The following TEKTL1 variants were observed in gnomAD, a reference collection of about 807,000 sequenced individuals.
The protein encoded by TEKTL1 is tektin-like protein 1.
chr19:15,014,738 C>CGG, the TEKTL1 span, among the ~76,000 whole-genome samples: 7 of 29,804 alleles, frequency 2.3e-4, no homozygotes, highest in Admixed American at 2.7e-3. Flanking sequence ...GGGCGGGGGG[C>CGG]GGGGGCTGCT....
the TEKTL1 span, chr19:15,022,018 A>G: frequency 1.1e-6 from 1 of 938,182 alleles, no homozygotes; most frequent in Non-Finnish European, 1.6e-6. Flanking sequence ...CCTCTCACCC[A>G]AGTCGGCCTG....
the TEKTL1 span, among the ~76,000 whole-genome samples, chr19:15,012,083 C>T: frequency 6.6e-6 from 1 of 151,336 alleles, no homozygotes; most frequent in Admixed American, 6.6e-5. Flanking sequence ...TAGTGAGACC[C>T]CGTCTCTACA....
the TEKTL1 span, among the ~76,000 whole-genome samples, chr19:15,018,822 C>T: frequency 6.7e-6 from 1 of 150,034 alleles, no homozygotes; most frequent in South Asian, 2.1e-4. Flanking sequence ...CTTATTTCCA[C>T]GTTCCCATAC....
At chr19:15,021,470 G>A in the TEKTL1 span, 6 of 1,614,124 alleles carry the variant, frequency 3.7e-6, no homozygotes, top group African/African-American at 2.7e-5. Flanking sequence ...ATAAGCGACC[G>A]TGTGTGTGCC....
At chr19:15,021,661 C>T in the TEKTL1 span, 9 of 1,614,098 alleles carry the variant, frequency 5.6e-6, no homozygotes, top group East Asian at 4.5e-5. Flanking sequence ...AACTATCCTC[C>T]GGTGTACGAA....
the TEKTL1 span, among the ~76,000 whole-genome samples, chr19:15,016,938 G>A: frequency 2.6e-4 from 39 of 152,288 alleles, no homozygotes; most frequent in African/African-American, 8.2e-4. Flanking sequence ...TGGGTGCAGC[G>A]GCTCACATCT....
the TEKTL1 span, chr19:15,013,656 T>A: frequency 6.3e-7 from 1 of 1,586,668 alleles, no homozygotes; most frequent in African/African-American, 1.3e-5. Flanking sequence ...TGAGGGATTC[T>A]CTCCTCGTTT....
At chr19:15,016,877 C>T in the TEKTL1 span, among the ~76,000 whole-genome samples, 1 of 152,094 alleles carries the variant, frequency 6.6e-6, no homozygotes, top group Non-Finnish European at 1.5e-5. Flanking sequence ...ACAGGTCTGC[C>T]ATCCATAGGA....
At chr19:15,021,810 C>G in the TEKTL1 span, 1 of 1,614,064 alleles carries the variant, frequency 6.2e-7, no homozygotes, top group Non-Finnish European at 8.5e-7. Context: ...CACCAGGGTC[C>G]TCTGTCGAAA....
the TEKTL1 span, chr19:15,011,518 G>C: frequency 1.2e-6 from 1 of 828,096 alleles, no homozygotes; most frequent in Non-Finnish European, 1.7e-6. Flanking sequence ...TTGATCACCT[G>C]AGGTCAGGAA....
the TEKTL1 span, among the ~76,000 whole-genome samples, chr19:15,016,461 A>G: frequency 6.6e-6 from 1 of 152,088 alleles, no homozygotes; most frequent in Non-Finnish European, 1.5e-5. Flanking sequence ...TGCTAGGATT[A>G]CAGGCATGAG....
chr19:15,018,058 T>G, the TEKTL1 span, among the ~76,000 whole-genome samples: 1 of 151,984 alleles, frequency 6.6e-6, no homozygotes, highest in Non-Finnish European at 1.5e-5. Context: ...GGGTCAAGAA[T>G]GGAGTGAGGA....
chr19:15,021,325 C>A, the TEKTL1 span: 1 of 1,609,248 alleles, frequency 6.2e-7, no homozygotes, highest in Admixed American at 1.7e-5. Context: ...GGACTTGGCA[C>A]CCCCACGCGC....
At chr19:15,021,700 G>A in the TEKTL1 span, 1 of 1,613,994 alleles carries the variant, frequency 6.2e-7, no homozygotes, top group East Asian at 2.2e-5. Context: ...CACCACCCAC[G>A]GTCTCATCAA....
chr19:15,012,790 T>A, the TEKTL1 span, among the ~76,000 whole-genome samples: 1 of 151,842 alleles, frequency 6.6e-6, no homozygotes, highest in East Asian at 1.9e-4. Context: ...CATAAAATCA[T>A]CCACCTAGAC....
the TEKTL1 span, chr19:15,023,091 C>T: frequency 8.1e-6 from 13 of 1,607,862 alleles, no homozygotes; most frequent in Admixed American, 8.4e-5. Context: ...ACGCCGCCGC[C>T]GCGCAGCAAG....
chr19:15,011,071 C>T, the TEKTL1 span: 6 of 1,575,022 alleles, frequency 3.8e-6, no homozygotes, highest in Non-Finnish European at 5.2e-6. Flanking sequence ...AAGGCGGCGG[C>T]ACCTTGGAGA....
At chr19:15,014,075 T>G in the TEKTL1 span, among the ~76,000 whole-genome samples, 1 of 152,150 alleles carries the variant, frequency 6.6e-6, no homozygotes, top group Non-Finnish European at 1.5e-5. Flanking sequence ...ATGGGAAAAT[T>G]GAGACCCAGA....
the TEKTL1 span, chr19:15,022,747 G>C: frequency 2.3e-6 from 2 of 869,770 alleles, no homozygotes; most frequent in Middle Eastern, 3.0e-4. Flanking sequence ...AGGCACACCT[G>C]GCCCATTCAG....
Sources: allele counts gnomAD v4.1 joint callset (sites outside exome capture counted in the v4.1 genomes callset), GRCh38; gene constraint gnomAD v4.1.1; transcripts MANE v1.5; gene names NCBI Gene and HGNC (gene_info 2026-07-23, HGNC 2026-07-21).